The following FSTL4 variants were observed in gnomAD, a reference collection of about 807,000 sequenced individuals.
FSTL4 encodes the protein follistatin like 4.
A neutral mutation model predicts 78.2 loss-of-function variants in FSTL4; 28 were observed. The ratio of observed to expected loss-of-function variants is 0.36; its 90% CI spans 0.27 to 0.49. The LOEUF is 0.49. Ranked by LOEUF, FSTL4 falls within the 20% of genes least tolerant of loss-of-function variation. The pLI, the probability that FSTL4 is intolerant of heterozygous loss-of-function variation, is 0.98. For synonymous variants in FSTL4, 422 were observed against 440.5 expected (o/e 0.96, Z 0.53); for missense variants, 922 against 1,084.9 (o/e 0.85, Z 2.11).
At position 133,293,040 on chromosome 5, in the gene FSTL4, C is replaced by T. The variant is rs531066211; in HGVS notation, c.727+19614G>A. ...ATTAAAAGAGATCCTTTCTTCTCCCCTCTGTGGGGCCAGGCTATGGACTGC... is the reference window on the plus strand; with the variant it reads ...ATTAAAAGAGATCCTTTCTTCTCCCTTCTGTGGGGCCAGGCTATGGACTGC... On this transcript the variant is annotated intron_variant, in intron 6 of 15. Coordinates refer to ENST00000265342, the MANE Select transcript of FSTL4 (RefSeq NM_015082.2). Among the ~76,000 whole-genome samples the T allele has an allele frequency of 1.0e-3, 156 of 152,358 alleles. 3 individuals carry two copies. Among genetic ancestry groups the T allele is most frequent in the African/African-American group, 3.5e-3 (145 of 41,588 alleles).
At chr5:133,621,273 G>T in the FSTL4 span, among the ~76,000 whole-genome samples, 1 of 152,266 alleles carries the variant, frequency 6.6e-6, no homozygotes, top group African/African-American at 2.4e-5. Flanking sequence ...GTTGGCATGT[G>T]CCTGTAGTCC....
the FSTL4 span, among the ~76,000 whole-genome samples, chr5:133,706,459 A>G: frequency 9.2e-5 from 14 of 152,258 alleles, no homozygotes; most frequent in East Asian, 2.3e-3. Context: ...AGAATTACCA[A>G]TTTTTTCAAG....
At chr5:133,664,608 C>T in the FSTL4 span, among the ~76,000 whole-genome samples, 15,456 of 152,204 alleles carry the variant, frequency 0.1, 1,532 homozygotes, top group African/African-American at 0.27. Context: ...TATTTTATGA[C>T]CCCACTGTGC....
the FSTL4 span, among the ~76,000 whole-genome samples, chr5:133,628,473 C>T: frequency 6.6e-6 from 1 of 151,916 alleles, no homozygotes; most frequent in African/African-American, 2.4e-5. Context: ...GATTCTCCTG[C>T]CTCAGCCTCC....
At chr5:133,411,316 G>A (rs180892431) in intron 3 of FSTL4, among the ~76,000 whole-genome samples, 147 of 152,276 alleles carry the variant, frequency 9.7e-4, no homozygotes, top group African/African-American at 2.9e-3. Context: ...AAAATGCCAC[G>A]AGAATCAAGC....
chr5:133,590,569 C>T (rs1272093945), intron 2 of FSTL4, among the ~76,000 whole-genome samples: 1 of 152,100 alleles, frequency 6.6e-6, no homozygotes, highest in Admixed American at 6.6e-5. Context: ...ACCCCTCTTT[C>T]TTTCCAAGAA....
intron 3 of FSTL4, among the ~76,000 whole-genome samples, chr5:133,555,978 C>T (rs1274606849): frequency 1.3e-5 from 2 of 152,124 alleles, no homozygotes; most frequent in Non-Finnish European, 2.9e-5. Flanking sequence ...TTTTTACAGG[C>T]CTATTTCTTC....
intron 3 of FSTL4, among the ~76,000 whole-genome samples, chr5:133,455,195 C>T (rs1014380614): frequency 7.2e-5 from 11 of 152,348 alleles, no homozygotes; most frequent in African/African-American, 2.6e-4. Context: ...GTAATCTCCC[C>T]ATGTTTAGAT....
At chr5:133,524,200 G>A (rs1244265079) in intron 3 of FSTL4, among the ~76,000 whole-genome samples, 1 of 152,228 alleles carries the variant, frequency 6.6e-6, no homozygotes, top group Non-Finnish European at 1.5e-5. Flanking sequence ...TGGAGAGAGA[G>A]ATGGACGGGC....
rs909635262 is a variant in FSTL4, at chr5:133,236,317, T to C, written c.895-2780A>G. On this transcript the variant is annotated intron_variant, in intron 7 of 15. Transcript: ENST00000265342. The surrounding 1 kb of genome is among the most constrained non-coding windows in gnomAD (Gnocchi z 5.0). ...CTGTCCCAAGGCCACTGTTCCCAGATATCAACCTCAGGTTGATACCCATTA... is the reference window on the plus strand; with the variant it reads ...CTGTCCCAAGGCCACTGTTCCCAGACATCAACCTCAGGTTGATACCCATTA... Among the ~76,000 whole-genome samples, 2 of 152,118 alleles carry C rather than the reference T, an allele frequency of 1.3e-5. No homozygotes were observed. Among genetic ancestry groups the C allele is most frequent in the African/African-American group, 4.8e-5 (2 of 41,408 alleles).
chr5:133,347,820 C>T (rs539176737), intron 4 of FSTL4, among the ~76,000 whole-genome samples: 1 of 152,342 alleles, frequency 6.6e-6, no homozygotes, highest in South Asian at 2.1e-4. Flanking sequence ...GTTATAGCTG[C>T]ATTATTTCTA....
the FSTL4 span, among the ~76,000 whole-genome samples, chr5:133,803,947 A>C: frequency 1.3e-5 from 2 of 152,186 alleles, no homozygotes; most frequent in Non-Finnish European, 2.9e-5. Flanking sequence ...TGAGCCAATG[A>C]GTTGAGGTTT....
chr5:133,825,982 G>A, the FSTL4 span, among the ~76,000 whole-genome samples: 729 of 152,316 alleles, frequency 4.8e-3, 9 homozygotes, highest in African/African-American at 0.016. Flanking sequence ...GCTGCAGAAG[G>A]GGTGTGCCAC....
At chr5:133,294,965 G>C (rs1003613124) in intron 6 of FSTL4, among the ~76,000 whole-genome samples, 44 of 152,104 alleles carry the variant, frequency 2.9e-4, no homozygotes, top group Admixed American at 6.5e-5. Context: ...TTATACCCGG[G>C]TAGCTGAACA....
chr5:133,567,435 G>C (rs1760050615), intron 2 of FSTL4, among the ~76,000 whole-genome samples: 1 of 152,162 alleles, frequency 6.6e-6, no homozygotes. Context: ...AAAAAATCCT[G>C]TTAATCACAA....
At chr5:133,299,341 C>T (rs1041762036) in intron 6 of FSTL4, among the ~76,000 whole-genome samples, 1 of 152,234 alleles carries the variant, frequency 6.6e-6, no homozygotes, top group Non-Finnish European at 1.5e-5. Flanking sequence ...TTCCTCCCTC[C>T]TCTCAAAAAC....
At chr5:133,801,762 C>G in the FSTL4 span, among the ~76,000 whole-genome samples, 1 of 152,210 alleles carries the variant, frequency 6.6e-6, no homozygotes, top group Non-Finnish European at 1.5e-5. Context: ...CCAGACAGTA[C>G]CCATTCCTCT....
intron 4 of FSTL4, among the ~76,000 whole-genome samples, chr5:133,342,424 C>T (rs1754602682): frequency 1.3e-5 from 2 of 152,204 alleles, no homozygotes. Flanking sequence ...TGTCAATTAT[C>T]TCTGAACAAG....
chr5:133,727,989 C>T, the FSTL4 span, among the ~76,000 whole-genome samples: 1 of 152,146 alleles, frequency 6.6e-6, no homozygotes, highest in Non-Finnish European at 1.5e-5. Context: ...TTTGCTGGCC[C>T]TTTGTGCATA....
Sources: gnomAD v4.1 joint callset for allele counts (sites outside exome capture counted in the v4.1 genomes callset) on GRCh38, gnomAD v4.1.1 for gene constraint, Gnocchi (gnomAD v3.1) non-coding constraint, MANE v1.5 for transcripts, NCBI Gene and HGNC (gene_info 2026-07-23, HGNC 2026-07-21) for gene names.